Variants in GPR61 observed in about 807,000 individuals in gnomAD.
The protein encoded by GPR61 is G-protein coupled receptor 61.
A neutral mutation model predicts 29.2 loss-of-function variants in GPR61; 15 were observed. That is an observed-to-expected ratio of 0.51 (90% CI 0.34 to 0.79). The LOEUF is 0.79. Among genes scored for constraint, GPR61 ranks in the 30% least tolerant of loss-of-function variants. GPR61 has a pLI of 0.01. For missense variants in GPR61, 399 were observed against 582.5 expected (o/e 0.69, Z 3.24); for synonymous variants, 238 against 242.3 (o/e 0.98, Z 0.17).
At position 109,543,077 on chromosome 1, in the gene GPR61, G is replaced by A. The variant is rs780257649; in HGVS notation, c.55G>A (p.Val19Ile). The A allele has an allele frequency of 6.4e-7, 1 of 1,557,472 alleles. No individual in the cohort carries two copies. The highest frequency in any genetic ancestry group is 8.7e-7 in the Non-Finnish European group (1 of 1,150,012). The change falls in exon 2 of 2, where the codon GTC becomes ATC. Residue 19 changes from valine to isoleucine, a missense_variant. By Grantham distance (29) the Val-to-Ile change is conservative (BLOSUM62 3). Transcript: ENST00000527748. The surrounding 1 kb of genome is among the most constrained non-coding windows in gnomAD (Gnocchi z 6.8). ...AGGGAACTCTTCCACTTTGGGGAGG[G>A]TCCCTCAAACCCCAGGTCCCTCTAC... ...SSGNSSTLGR[V>I]PQTPGPSTAS...
In GPR61 at chr1:109,543,538, C is replaced by A. The variant is rs755674321; in HGVS notation, c.516C>A (p.Ala172=). 8 of 1,614,124 alleles carry A rather than the reference C, an allele frequency of 5.0e-6. No individual in the cohort carries two copies. Among genetic ancestry groups the A allele is most frequent in the Middle Eastern group, 1.6e-4 (1 of 6,062 alleles). The change falls in exon 2 of 2, where the codon GCC becomes GCA. Residue 172 remains alanine, a synonymous_variant. Coordinates refer to ENST00000527748, the MANE Select transcript of GPR61 (RefSeq NM_001393907.1). This position sits in a 1 kb window ranked among gnomAD's most constrained non-coding sequence, Gnocchi z 6.8. The part of the protein sequence containing the change: ...VLVGVWVKAL[A]MASVPVLGRV... Reference sequence around the variant, plus strand: ...TGGGTGTGTGGGTGAAGGCCTTGGCCATGGCTTCTGTGCCAGTGTTGGGAA... The same window carrying A: ...TGGGTGTGTGGGTGAAGGCCTTGGCAATGGCTTCTGTGCCAGTGTTGGGAA...
chr1:109,545,345 G>A lies in GPR61; in HGVS notation c.*967G>A, dbSNP rs1395537004. On this transcript the variant is annotated 3_prime_UTR_variant, in exon 2 of 2. Coordinates refer to ENST00000527748, the MANE Select transcript of GPR61 (RefSeq NM_001393907.1). ...CCCTGATCTCTCTCCTCATGGCAGC[G>A]ACCCACCTCCAGTCCCCTGGACAAT... 1.3e-5 allele frequency: 2 copies of A among 152,272 alleles called. No homozygotes were observed. Among genetic ancestry groups the A allele is most frequent in the South Asian group, 2.1e-4 (1 of 4,822 alleles). The allele number at this position is 152,272 out of a possible 1,614,324, so 9.4% of individuals were successfully genotyped here.
chr1:109,545,199 G>A lies in GPR61; in HGVS notation c.*821G>A, dbSNP rs967081435. ...TTTAGGAGGAAGAATTAGAATGACT[G>A]GGGGTCAGACGGGCGAGGGTGGAGG... On this transcript the variant is annotated 3_prime_UTR_variant, in exon 2 of 2. Transcript: ENST00000527748. The A allele has an allele frequency of 4.6e-5, 7 of 152,234 alleles. No homozygotes were observed. Among genetic ancestry groups the A allele is most frequent in the African/African-American group, 1.7e-4 (7 of 41,432 alleles). The allele number at this position is 152,234 out of a possible 1,614,324, so 9.4% of individuals were successfully genotyped here.
At chr1:109,541,565 G>A (rs1344828830) in intron 1 of GPR61, among the ~76,000 whole-genome samples, 1 of 152,238 alleles carries the variant, frequency 6.6e-6, no homozygotes, top group African/African-American at 2.4e-5. Flanking sequence ...CTTTATTGCA[G>A]CCATAGAAAT....
At position 109,542,700 on chromosome 1, in the gene GPR61, T is replaced by G; in HGVS notation, c.-323T>G. ...GAGAACAAGAATGGCAGAAAGGAGA[T>G]GGAAAAGGAAGAGGTGAAGGCCATT... On this transcript the variant is annotated 5_prime_UTR_variant, in exon 2 of 2. The change abolishes an upstream ATG in the 5' untranslated region. Transcript: ENST00000527748. 1 of 556,080 alleles carries G rather than the reference T, an allele frequency of 1.8e-6. No homozygotes were observed. Among genetic ancestry groups the G allele is most frequent in the Non-Finnish European group, 3.4e-6 (1 of 292,244 alleles). The allele number at this position is 556,080 out of a possible 1,614,324, so 34.4% of individuals were successfully genotyped here.
In GPR61 at chr1:109,542,579, A is replaced by ACT. The variant is rs1171568976; in HGVS notation, c.-443_-442dup. 2.4e-6 allele frequency: 1 copy of ACT among 411,766 alleles called. No homozygotes were observed. The allele number at this position is 411,766 out of a possible 1,614,324, so 25.5% of individuals were successfully genotyped here. On this transcript the variant is annotated 5_prime_UTR_variant, in exon 2 of 2. Coordinates refer to ENST00000527748, the MANE Select transcript of GPR61 (RefSeq NM_001393907.1). Reference sequence around the variant, plus strand: ...GGAAATTTACATAAGGAACCCTAAAACTGAGGCACTATCCCAGAGATCAGC... The same window carrying ACT: ...GGAAATTTACATAAGGAACCCTAAAACTCTGAGGCACTATCCCAGAGATCAGC...
At position 109,543,669 on chromosome 1, in the gene GPR61, A is replaced by G. The variant is rs1249215524; in HGVS notation, c.647A>G (p.Tyr216Cys). ...QLFVVVFAVL[Y>C]FLLPLLLILV... Reference sequence around the variant, plus strand: ...TTTGTGGTGGTCTTTGCTGTCCTTTACTTTCTGTTGCCCCTGCTCCTCATA... The same window carrying G: ...TTTGTGGTGGTCTTTGCTGTCCTTTGCTTTCTGTTGCCCCTGCTCCTCATA... The change falls in exon 2 of 2, where the codon TAC (tyrosine) becomes TGC (cysteine). Residue 216 changes from tyrosine to cysteine, a missense_variant. By Grantham distance (194) the Tyr-to-Cys change is radical. Coordinates refer to ENST00000527748, the MANE Select transcript of GPR61 (RefSeq NM_001393907.1). The surrounding 1 kb of genome is among the most constrained non-coding windows in gnomAD (Gnocchi z 6.8). The G allele has an allele frequency of 2.5e-6, 4 of 1,613,470 alleles. No individual in the cohort carries two copies. Among genetic ancestry groups the G allele is most frequent in the Non-Finnish European group, 3.4e-6 (4 of 1,179,948 alleles).
At chr1:109,542,120 C>A (rs1286769028) in intron 1 of GPR61, among the ~76,000 whole-genome samples, 1 of 152,224 alleles carries the variant, frequency 6.6e-6, no homozygotes, top group Non-Finnish European at 1.5e-5. Flanking sequence ...GGACCTGGGG[C>A]CAGACTGCCC....
chr1:109,540,216 T>A (rs1332058611), intron 1 of GPR61: 1 of 152,158 alleles, frequency 6.6e-6, no homozygotes, highest in Non-Finnish European at 1.5e-5. Context: ...TCTCCATCTG[T>A]CTTGCTCCAT....
At chr1:109,540,890 G>A (rs976185183) in intron 1 of GPR61, among the ~76,000 whole-genome samples, 4 of 152,194 alleles carry the variant, frequency 2.6e-5, no homozygotes, top group Non-Finnish European at 4.4e-5. Context: ...GCTCCATCAT[G>A]GCTTCGTGGC....
rs1363219700 is a variant in GPR61, at chr1:109,542,945, C to T, written c.-78C>T. The T allele has an allele frequency of 4.5e-6, 7 of 1,543,994 alleles. No individual in the cohort carries two copies. Among genetic ancestry groups the T allele is most frequent in the Middle Eastern group, 1.7e-4 (1 of 5,938 alleles). On this transcript the variant is annotated 5_prime_UTR_variant, in exon 2 of 2. Transcript: ENST00000527748. ...AAACCAGGAAGCCTGGGCCTGGGCT[C>T]GCCATCCCAGGGTCGCTGGACTAGG...
At position 109,542,996 on chromosome 1, in the gene GPR61, G is replaced by A. The variant is rs566303568; in HGVS notation, c.-27G>A. On this transcript the variant is annotated 5_prime_UTR_variant, in exon 2 of 2. Coordinates refer to ENST00000527748, the MANE Select transcript of GPR61 (RefSeq NM_001393907.1). Reference sequence around the variant, plus strand: ...ATGGGGGATGGGCCTGTGACAGGAGGTACCCTGGGTGCCCTCTTTCGGCCC... The same window carrying A: ...ATGGGGGATGGGCCTGTGACAGGAGATACCCTGGGTGCCCTCTTTCGGCCC... The A allele has an allele frequency of 6.5e-7, 1 of 1,549,606 alleles. No individual in the cohort carries two copies. Among genetic ancestry groups the A allele is most frequent in the Non-Finnish European group, 8.7e-7 (1 of 1,146,456 alleles).
At position 109,545,175 on chromosome 1, in the gene GPR61, T is replaced by C. The variant is rs1411436529; in HGVS notation, c.*797T>C. 1 of 152,146 alleles carries C rather than the reference T, an allele frequency of 6.6e-6. No homozygotes were observed. The highest frequency in any genetic ancestry group is 1.5e-5 in the Non-Finnish European group (1 of 68,038). The allele number at this position is 152,146 out of a possible 1,614,324, so 9.4% of individuals were successfully genotyped here. A position where few individuals can be genotyped will look rare whatever the true frequency, so the allele number is the denominator to read the frequency against. On this transcript the variant is annotated 3_prime_UTR_variant, in exon 2 of 2. Transcript: ENST00000527748. ...TAAGGCAGGATGGCTTTCCTCTCTT[T>C]TAGGAGGAAGAATTAGAATGACTGG...
In GPR61 at chr1:109,543,128, C is replaced by G; in HGVS notation, c.106C>G (p.Leu36Val). The G allele has an allele frequency of 6.3e-7, 1 of 1,594,682 alleles. No homozygotes were observed. The highest frequency in any genetic ancestry group is 8.6e-7 in the Non-Finnish European group (1 of 1,169,270). ...TGCCAGTGGGGTCCCGGAGGTGGGG[C>G]TACGGGATGTTGCTTCGGAATCTGT... ...STASGVPEVG[L>V]RDVASESVAL... Residue 36 changes from leucine to valine, a missense_variant, in exon 2 of 2, where the codon CTA becomes GTA. Leu to Val is a conservative substitution (Grantham distance 32, BLOSUM62 1). This residue lies in a region of GPR61 where 78 missense variants were observed against 101.0 expected (regional missense o/e 0.77). Transcript: ENST00000527748. The surrounding 1 kb of genome is among the most constrained non-coding windows in gnomAD (Gnocchi z 6.8).
rs1040072681 is a variant in GPR61, at chr1:109,545,985, C to A, written c.*1607C>A. Reference sequence around the variant, plus strand: ...TGAGATACCTTATATTTTCACAAAGCACTTTGATTTGATAAAGCACTACAG... The same window carrying A: ...TGAGATACCTTATATTTTCACAAAGAACTTTGATTTGATAAAGCACTACAG... On this transcript the variant is annotated 3_prime_UTR_variant, in exon 2 of 2. Transcript: ENST00000527748. 6 of 152,164 alleles carry A rather than the reference C, an allele frequency of 3.9e-5. No homozygotes were observed. Among genetic ancestry groups the A allele is most frequent in the Admixed American group, 3.3e-4 (5 of 15,278 alleles). 9.4% of individuals were successfully genotyped at this position (152,164 alleles called of 1,614,324 possible).
In GPR61 at chr1:109,546,638, G is replaced by C. The variant is rs1204939729; in HGVS notation, c.*2260G>C. 1.3e-5 allele frequency: 2 copies of C among 152,210 alleles called. No homozygotes were observed. Among genetic ancestry groups the C allele is most frequent in the African/African-American group, 4.8e-5 (2 of 41,446 alleles). 9.4% of individuals were successfully genotyped at this position (152,210 alleles called of 1,614,324 possible). A position where few individuals can be genotyped will look rare whatever the true frequency, so the allele number is the denominator to read the frequency against. ...TAAGAGCAAGGGTATCTTTAATTCA[G>C]GCTGAAATTTCCTGACACTGTGATC... On this transcript the variant is annotated 3_prime_UTR_variant, in exon 2 of 2. Transcript: ENST00000527748.
At position 109,544,099 on chromosome 1, in the gene GPR61, C is replaced by T; in HGVS notation, c.1077C>T (p.Phe359=). Residue 359 remains phenylalanine, a synonymous_variant, in exon 2 of 2, where the codon TTC becomes TTT. Coordinates refer to ENST00000527748, the MANE Select transcript of GPR61 (RefSeq NM_001393907.1). The surrounding 1 kb of genome is among the most constrained non-coding windows in gnomAD (Gnocchi z 4.6). The part of the protein sequence containing the change: ...RGELSKQFVC[F]FKPAPEEELR... Reference sequence around the variant, plus strand: ...AGCTCAGCAAGCAGTTTGTCTGCTTCTTCAAGCCAGCTCCAGAGGAGGAGC... The same window carrying T: ...AGCTCAGCAAGCAGTTTGTCTGCTTTTTCAAGCCAGCTCCAGAGGAGGAGC... 1 of 1,614,198 alleles carries T rather than the reference C, an allele frequency of 6.2e-7. No homozygotes were observed. The highest frequency in any genetic ancestry group is 1.1e-5 in the South Asian group (1 of 91,090).
Position 109,543,763 on chromosome 1 carries a change from G to T in GPR61, c.741G>T (p.Thr247=). Residue 247 remains threonine, a synonymous_variant, in exon 2 of 2, where the codon ACG becomes ACT. Coordinates refer to ENST00000527748, the MANE Select transcript of GPR61 (RefSeq NM_001393907.1). The surrounding 1 kb of genome is among the most constrained non-coding windows in gnomAD (Gnocchi z 6.8). ...VAAMQHGPLP[T]WMETPRQRSE... ...CCATGCAGCACGGGCCGCTGCCCAC[G>T]TGGATGGAGACACCCCGGCAACGCT... 6.2e-7 allele frequency: 1 copy of T among 1,613,320 alleles called. No homozygotes were observed.
chr1:109,544,613 C>A lies in GPR61; in HGVS notation c.*235C>A. On this transcript the variant is annotated 3_prime_UTR_variant, in exon 2 of 2. Transcript: ENST00000527748. The surrounding 1 kb of genome is among the most constrained non-coding windows in gnomAD (Gnocchi z 4.6). ...GGGAGGGAACCTGGGTATGGTGAGA[C>A]GGTGACGAGAGAAAAGGGTCACAAA... 3.9e-6 allele frequency: 2 copies of A among 511,644 alleles called. No individual in the cohort carries two copies. Among genetic ancestry groups the A allele is most frequent in the South Asian group, 3.7e-5 (1 of 26,942 alleles). 31.7% of individuals were successfully genotyped at this position (511,644 alleles called of 1,614,324 possible).
Sources: gnomAD v4.1 joint callset for allele counts (sites outside exome capture counted in the v4.1 genomes callset) on GRCh38, gnomAD v4.1.1 for gene constraint, gnomAD v4.1.1 regional missense constraint, Gnocchi (gnomAD v3.1) non-coding constraint, MANE v1.5 for transcripts, NCBI Gene and HGNC (gene_info 2026-07-23, HGNC 2026-07-21) for gene names.